HDGFL3: variants seen among roughly 807,000 people sequenced by gnomAD.
HDGFL3 encodes HDGF like 3.
Under a neutral mutation model 27.6 loss-of-function variants are expected in HDGFL3, and 6 were observed. The observed-to-expected ratio is 0.22, with a 90% CI of 0.12 to 0.43. HDGFL3 has a LOEUF of 0.43. Among genes scored for constraint, HDGFL3 ranks in the 20% least tolerant of loss-of-function variants. The probability of loss-of-function intolerance (pLI) is 1.00; values close to 1 mark genes in which losing one functional copy is unlikely to be tolerated. For missense variants in HDGFL3, 207 were observed against 250.1 expected, an observed-to-expected ratio of 0.83 and a Z score of 1.16; for synonymous variants, 88 against 88.9, an observed-to-expected ratio of 0.99 and a Z score of 0.05.
intron 3 of HDGFL3, among the ~76,000 whole-genome samples, chr15:83,119,257 T>C (rs1394317133): frequency 1.3e-5 from 2 of 152,232 alleles, no homozygotes; most frequent in East Asian, 3.9e-4. Context: ...AAGATTTGGC[T>C]TGGTCTCCAT....
intron 2 of HDGFL3, among the ~76,000 whole-genome samples, chr15:83,158,445 G>A (rs1032779089): frequency 1.3e-5 from 2 of 152,046 alleles, no homozygotes; most frequent in African/African-American, 4.8e-5. Context: ...ATAAATGCTA[G>A]AATAAAAAAA....
At chr15:83,203,181 C>T (rs1047192041) in intron 1 of HDGFL3, among the ~76,000 whole-genome samples, 7 of 151,936 alleles carry the variant, frequency 4.6e-5, no homozygotes, top group Admixed American at 1.3e-4. Context: ...TGAGGCTTTT[C>T]GTTTACATTG....
chr15:83,181,473 T>C (rs2037380570), intron 1 of HDGFL3, among the ~76,000 whole-genome samples: 1 of 152,182 alleles, frequency 6.6e-6, no homozygotes, highest in South Asian at 2.1e-4. Flanking sequence ...CCTTTTCAAT[T>C]CTTGTAGTCA....
chr15:83,144,812 A>C, intron 5 of HDGFL3: 1 of 333,054 alleles, frequency 3.0e-6, no homozygotes, highest in South Asian at 2.4e-5. Context: ...TGGACTGTTG[A>C]TGAGTCTTGA....
At chr15:83,188,708 A>T (rs2037475516) in intron 1 of HDGFL3, among the ~76,000 whole-genome samples, 1 of 151,952 alleles carries the variant, frequency 6.6e-6, no homozygotes, top group East Asian at 1.9e-4. Flanking sequence ...GTCTCCTTTC[A>T]TAGCCCCTCT....
At chr15:83,155,237 A>G (rs571969958) in intron 4 of HDGFL3, among the ~76,000 whole-genome samples, 13 of 152,374 alleles carry the variant, frequency 8.5e-5, no homozygotes, top group African/African-American at 3.1e-4. Context: ...AATTTAAAAT[A>G]GATAAACATT....
downstream of HDGFL3, among the ~76,000 whole-genome samples, chr15:83,125,205 A>G (rs940270871): frequency 6.6e-6 from 1 of 152,084 alleles, no homozygotes; most frequent in African/African-American, 2.4e-5. Context: ...TCAACAATTC[A>G]CGTGTATGTA....
At chr15:83,169,568 G>A (rs897763141) in intron 1 of HDGFL3, among the ~76,000 whole-genome samples, 6 of 151,980 alleles carry the variant, frequency 3.9e-5, no homozygotes, top group African/African-American at 1.2e-4. Flanking sequence ...TTGGGAGGCC[G>A]AGGCGGGAGG....
intron 2 of HDGFL3, among the ~76,000 whole-genome samples, chr15:83,162,279 C>A (rs2037111570): frequency 6.6e-6 from 1 of 152,058 alleles, no homozygotes; most frequent in Admixed American, 6.6e-5. Flanking sequence ...TTCAGGGACA[C>A]CCAATACTTA....
chr15:83,159,205 G>GT (rs2037067599), intron 2 of HDGFL3, among the ~76,000 whole-genome samples: 1 of 152,076 alleles, frequency 6.6e-6, no homozygotes. Context: ...AAAATTAGAA[G>GT]TGACAAAGCA....
intron 3 of HDGFL3, chr15:83,121,842 T>C: frequency 9.7e-7 from 1 of 1,034,852 alleles, no homozygotes; most frequent in South Asian, 1.4e-5. Flanking sequence ...GAATACAAAA[T>C]AATATTGAAG....
In HDGFL3 at chr15:83,142,265, G is replaced by C. The variant is rs947186769; in HGVS notation, c.607-2990C>G. Among the ~76,000 whole-genome samples, 4 of 152,064 alleles carry C rather than the reference G, an allele frequency of 2.6e-5. 1 individual carries two copies. Among genetic ancestry groups the C allele is most frequent in the Non-Finnish European group, 5.9e-5 (4 of 68,016 alleles). On this transcript the variant is annotated intron_variant, in intron 5 of 5. Coordinates refer to ENST00000299633, the MANE Select transcript of HDGFL3 (RefSeq NM_016073.4). ...CGCTATATACAATAGTAAAGAAATG[G>C]AATCAACCTAAATGCCCATCAATGA...
rs2036976694 is a variant in HDGFL3 at position 83,152,591 on chromosome 15, C to T, written c.460-1230G>A. Among the ~76,000 whole-genome samples, 3 of 148,948 alleles carry T rather than the reference C, an allele frequency of 2.0e-5. No individual in the cohort carries two copies. In the Admixed American group the frequency reaches 2.0e-4, roughly 10 times the overall value. Reference sequence around the variant, plus strand: ...GGCGAGAGGCCTGTAATCCCAGCTACTTGGGAGGCTGAGGCAGGAGAATCA... The same window carrying T: ...GGCGAGAGGCCTGTAATCCCAGCTATTTGGGAGGCTGAGGCAGGAGAATCA... On this transcript the variant is annotated intron_variant, in intron 4 of 5. Transcript: ENST00000299633.
At chr15:83,167,740 T>A (rs1477849766) in intron 1 of HDGFL3, among the ~76,000 whole-genome samples, 2 of 151,974 alleles carry the variant, frequency 1.3e-5, no homozygotes, top group African/African-American at 4.8e-5. Context: ...AACTTCAACA[T>A]CCCACTGACA....
chr15:83,159,492 C>T (rs1486211935), intron 2 of HDGFL3, among the ~76,000 whole-genome samples: 1 of 151,812 alleles, frequency 6.6e-6, no homozygotes, highest in Non-Finnish European at 1.5e-5. Flanking sequence ...TTTCTTGGAG[C>T]ACATGTTCTA....
chr15:83,180,972 G>C (rs1198473460), intron 1 of HDGFL3: 1 of 151,920 alleles, frequency 6.6e-6, no homozygotes, highest in Admixed American at 6.6e-5. Flanking sequence ...TAAAAGAACT[G>C]CAAGCATGAT....
chr15:83,199,360 A>G (rs562888677), intron 1 of HDGFL3, among the ~76,000 whole-genome samples: 1 of 152,316 alleles, frequency 6.6e-6, no homozygotes, highest in African/African-American at 2.4e-5. Context: ...TCTGAAGTTG[A>G]GTTTATTTTC....
chr15:83,183,757 CA>C (rs1181360746), intron 1 of HDGFL3, among the ~76,000 whole-genome samples: 1 of 118,278 alleles, frequency 8.5e-6, no homozygotes, highest in East Asian at 2.2e-4. Context: ...GACTCCATCT[CA>C]AAAAAAAGAA....
chr15:83,175,606 T>A (rs374848957), intron 1 of HDGFL3, among the ~76,000 whole-genome samples: 1 of 152,178 alleles, frequency 6.6e-6, no homozygotes, highest in East Asian at 1.9e-4. Context: ...ATGCCTGTAA[T>A]CCCAGCGCTT....
Sources: allele counts gnomAD v4.1 joint callset (sites outside exome capture counted in the v4.1 genomes callset), GRCh38; gene constraint gnomAD v4.1.1; transcripts MANE v1.5; gene names NCBI Gene and HGNC (gene_info 2026-07-23, HGNC 2026-07-21).